The following OR7E24 variants were observed in gnomAD, a reference collection of about 807,000 sequenced individuals.
OR7E24 encodes olfactory receptor family 7 subfamily E member 24, also known as olfactory receptor 7E24.
For synonymous variants in OR7E24, 130 were observed against 157.5 expected (o/e 0.83, Z 1.31); for missense variants, 385 against 410.3 (o/e 0.94, Z 0.53).
At position 9,251,122 on chromosome 19, in the gene OR7E24, G is replaced by A. The variant is rs552367937; in HGVS notation, c.79G>A (p.Val27Ile). 1.2e-6 allele frequency: 2 copies of A among 1,613,238 alleles called. No individual in the cohort carries two copies. The highest frequency in any genetic ancestry group is 2.7e-5 in the African/African-American group (2 of 74,854). ...SYTEPQNLTG[V>I]SEFLLLGLSE... ...CACAGAGCCACAGAATCTCACAGGT[G>A]TCTCAGAATTCCTCCTCCTGGGACT... The change falls in exon 1 of 1, where the codon GTC (valine) becomes ATC (isoleucine). Residue 27 changes from valine to isoleucine, a missense_variant. By Grantham distance (29) the Val-to-Ile change is conservative. Transcript: ENST00000456448.
the OR7E24 span, chr19:9,208,267 C>A: frequency 6.6e-6 from 1 of 152,298 alleles, no homozygotes; most frequent in Admixed American, 6.5e-5. Context: ...GAACTTCCGA[C>A]CTCAGGTGAT....
At chr19:9,207,622 T>G in the OR7E24 span, 2 of 152,184 alleles carry the variant, frequency 1.3e-5, no homozygotes, top group Admixed American at 6.5e-5. Context: ...GAATTCTAGT[T>G]AGTGGTAATT....
At chr19:9,245,041 TAAAAATACAA>T (rs2066125320), upstream of OR7E24, among the ~76,000 whole-genome samples, 1 of 148,696 alleles carries the variant, frequency 6.7e-6, no homozygotes, top group Admixed American at 6.6e-5. Context: ...CCGTTTCTAG[TAAAAATACAA>T]AAAAATACAA....
upstream of OR7E24, among the ~76,000 whole-genome samples, chr19:9,247,128 GA>G (rs2066132720): frequency 6.6e-6 from 1 of 152,062 alleles, no homozygotes; most frequent in Non-Finnish European, 1.5e-5. Context: ...ATAAATGAAA[GA>G]AGTGAATAGT....
chr19:9,214,591 C>T, the OR7E24 span: 2 of 1,613,910 alleles, frequency 1.2e-6, no homozygotes, highest in Non-Finnish European at 1.7e-6. Flanking sequence ...TGGATGCTCA[C>T]TAGCATCTTG....
chr19:9,218,932 C>T, the OR7E24 span, among the ~76,000 whole-genome samples: 7 of 150,544 alleles, frequency 4.6e-5, no homozygotes, highest in African/African-American at 1.7e-4. Flanking sequence ...CTACGTTCAG[C>T]CAAGGGATTT....
the OR7E24 span, among the ~76,000 whole-genome samples, chr19:9,234,352 G>A: frequency 6.6e-6 from 1 of 152,144 alleles, no homozygotes; most frequent in Non-Finnish European, 1.5e-5. Context: ...ATAAGAAGAA[G>A]GAGTTTAATA....
At chr19:9,241,400 T>A in the OR7E24 span, among the ~76,000 whole-genome samples, 1 of 152,204 alleles carries the variant, frequency 6.6e-6, no homozygotes, top group Non-Finnish European at 1.5e-5. Context: ...CAGACCAGCC[T>A]CTTGTCCATG....
upstream of OR7E24, among the ~76,000 whole-genome samples, chr19:9,244,532 C>G (rs902502974): frequency 6.6e-6 from 1 of 152,188 alleles, no homozygotes; most frequent in African/African-American, 2.4e-5. Context: ...TACCTTACAC[C>G]ATATGCAAAA....
chr19:9,214,358 A>T, the OR7E24 span: 2 of 1,614,152 alleles, frequency 1.2e-6, no homozygotes, highest in East Asian at 2.2e-5. Flanking sequence ...TCATCAGTAG[A>T]ATATGAACCA....
the OR7E24 span, among the ~76,000 whole-genome samples, chr19:9,230,609 T>C: frequency 6.6e-6 from 1 of 152,152 alleles, no homozygotes; most frequent in African/African-American, 2.4e-5. Context: ...CGCAAGGTAT[T>C]GTCTATTTTG....
chr19:9,209,662 T>A, the OR7E24 span: 1 of 152,082 alleles, frequency 6.6e-6, no homozygotes, highest in Non-Finnish European at 1.5e-5. Flanking sequence ...TTCTTTTTTT[T>A]TTTTTTTTTA....
At chr19:9,221,444 G>A in the OR7E24 span, among the ~76,000 whole-genome samples, 1 of 126,576 alleles carries the variant, frequency 7.9e-6, no homozygotes, top group Non-Finnish European at 1.6e-5. Flanking sequence ...TCCGCCTCCC[G>A]GGTTTACGCC....
At chr19:9,230,194 G>A in the OR7E24 span, among the ~76,000 whole-genome samples, 3 of 151,966 alleles carry the variant, frequency 2.0e-5, no homozygotes, top group Admixed American at 6.6e-5. Context: ...ACAGGCAGGC[G>A]CCACTACGCC....
chr19:9,222,809 T>G, the OR7E24 span, among the ~76,000 whole-genome samples: 5 of 152,178 alleles, frequency 3.3e-5, no homozygotes, highest in African/African-American at 1.2e-4. Context: ...CTAACCTAAT[T>G]GATTTAGCTA....
the OR7E24 span, among the ~76,000 whole-genome samples, chr19:9,215,318 G>C: frequency 5.2e-5 from 7 of 134,188 alleles, no homozygotes; most frequent in Non-Finnish European, 1.5e-5. Context: ...ACTCCAGCCT[G>C]GTGACAAAGT....
the OR7E24 span, among the ~76,000 whole-genome samples, chr19:9,231,371 C>T: frequency 2.0e-5 from 3 of 151,742 alleles, no homozygotes; most frequent in Non-Finnish European, 4.4e-5. Flanking sequence ...CATGAGGTCA[C>T]GAGATTGAGA....
rs1160342503 is a variant in OR7E24 at position 9,251,726 on chromosome 19, C to T, written c.683C>T (p.Pro228Leu). The T allele has an allele frequency of 1.9e-6, 3 of 1,612,964 alleles. No individual in the cohort carries two copies. The highest frequency in any genetic ancestry group is 2.7e-5 in the African/African-American group (2 of 74,918). Residue 228 changes from proline (P) to leucine (L), a missense_variant, in exon 1 of 1, where the codon CCT (proline) becomes CTT (leucine). Transcript: ENST00000456448. ...YFMGAIFGCL[P>L]ISGILFSYYK... ...ATGGGTGCCATATTTGGCTGTCTCC[C>T]TATCTCAGGGATCCTTTTCTCTTAC...
the OR7E24 span, chr19:9,212,998 T>G: frequency 1.3e-5 from 2 of 152,204 alleles, no homozygotes; most frequent in Non-Finnish European, 2.9e-5. Flanking sequence ...TAGGATATAC[T>G]CTACCTCCAT....
Sources: allele counts gnomAD v4.1 joint callset (sites outside exome capture counted in the v4.1 genomes callset), GRCh38; gene constraint gnomAD v4.1.1; transcripts MANE v1.5; gene names NCBI Gene and HGNC (gene_info 2026-07-23, HGNC 2026-07-21).